Variants in PARD3 observed in about 807,000 individuals in gnomAD.
PARD3 encodes the protein partitioning defective 3 homolog.
Under a neutral mutation model 155.4 loss-of-function variants are expected in PARD3, and 75 were observed. The observed-to-expected ratio is 0.48, with a 90% CI of 0.40 to 0.58. The LOEUF is 0.58. Among genes scored for constraint, PARD3 ranks in the 20% least tolerant of loss-of-function variants. PARD3 has a pLI of 0.00. For missense variants in PARD3, 1,642 were observed against 1,721.7 expected (o/e 0.95, Z 0.82); for synonymous variants, 576 against 610.5 (o/e 0.94, Z 0.83).
intron 22 of PARD3, among the ~76,000 whole-genome samples, chr10:34,209,961 C>T (rs1951660184): frequency 6.6e-6 from 1 of 152,072 alleles, no homozygotes; most frequent in Non-Finnish European, 1.5e-5. Flanking sequence ...AAAAATCTTA[C>T]CTAGTGGAGA....
chr10:34,506,797 T>C (rs896362629), intron 3 of PARD3, among the ~76,000 whole-genome samples: 1 of 152,216 alleles, frequency 6.6e-6, no homozygotes, highest in Non-Finnish European at 1.5e-5. Context: ...TTAATGGCCA[T>C]TTAATTGGAA....
At chr10:34,721,832 GTA>G (rs2094611032) in intron 1 of PARD3, among the ~76,000 whole-genome samples, 1 of 152,176 alleles carries the variant, frequency 6.6e-6, no homozygotes. Context: ...AATTAAGCAT[GTA>G]CTAAATTATA....
At chr10:34,383,390 TACACACAC>T (rs3040371) in intron 8 of PARD3, among the ~76,000 whole-genome samples, 3 of 150,150 alleles carry the variant, frequency 2.0e-5, no homozygotes, top group Non-Finnish European at 1.5e-5. Context: ...ATTTTTAAAA[TACACACAC>T]ACACACACAC....
At chr10:34,615,175 G>A (rs1342026125) in intron 2 of PARD3, among the ~76,000 whole-genome samples, 2 of 152,116 alleles carry the variant, frequency 1.3e-5, no homozygotes, top group African/African-American at 4.8e-5. Context: ...GGGTGGCAGA[G>A]TGAGGCTCCG....
At chr10:34,809,886 A>G (rs1459995357) in intron 1 of PARD3, among the ~76,000 whole-genome samples, 1 of 152,204 alleles carries the variant, frequency 6.6e-6, no homozygotes, top group African/African-American at 2.4e-5. Context: ...ATTTTCTTTC[A>G]ATCTCTGCAA....
At chr10:34,710,790 T>C (rs965349220) in intron 1 of PARD3, among the ~76,000 whole-genome samples, 20 of 152,316 alleles carry the variant, frequency 1.3e-4, no homozygotes, top group Admixed American at 5.2e-4. Flanking sequence ...ACCCTTATGT[T>C]TTTGTTTATT....
At chr10:34,217,234 C>T (rs1435777162) in intron 22 of PARD3, among the ~76,000 whole-genome samples, 1 of 151,756 alleles carries the variant, frequency 6.6e-6, no homozygotes, top group Non-Finnish European at 1.5e-5. Context: ...CTTGTTCTTG[C>T]GCTGTCTCTG....
intron 20 of PARD3, among the ~76,000 whole-genome samples, chr10:34,287,835 C>T (rs1019014113): frequency 6.6e-6 from 1 of 152,136 alleles, no homozygotes; most frequent in Non-Finnish European, 1.5e-5. Flanking sequence ...TAATTAGTTT[C>T]CTAGACCACC....
intron 2 of PARD3, among the ~76,000 whole-genome samples, chr10:34,644,822 A>C (rs920246397): frequency 6.6e-6 from 1 of 152,160 alleles, no homozygotes; most frequent in Non-Finnish European, 1.5e-5. Context: ...GTTGTAAGGA[A>C]TCTAATTGCT....
chr10:34,484,779 G>C (rs11009803), intron 3 of PARD3, among the ~76,000 whole-genome samples: 4,676 of 152,252 alleles, frequency 0.031, 241 homozygotes, highest in African/African-American at 0.11. Context: ...CTTTAGCAAA[G>C]ACTTCAAGTG....
At chr10:34,491,722 T>C (rs2079921067) in intron 3 of PARD3, among the ~76,000 whole-genome samples, 1 of 152,214 alleles carries the variant, frequency 6.6e-6, no homozygotes. Context: ...CTTGGCTGCT[T>C]TTTAATTGAG....
intron 2 of PARD3, among the ~76,000 whole-genome samples, chr10:34,648,343 A>C (rs2092906756): frequency 6.6e-6 from 1 of 152,216 alleles, no homozygotes; most frequent in South Asian, 2.1e-4. Context: ...CAATGCCAAG[A>C]GCTGCCGTGA....
intron 22 of PARD3, among the ~76,000 whole-genome samples, chr10:34,211,397 C>G (rs1951740903): frequency 6.6e-6 from 1 of 152,090 alleles, no homozygotes; most frequent in Admixed American, 6.6e-5. Context: ...GATACACTTA[C>G]AAATGCTCAG....
intron 20 of PARD3, among the ~76,000 whole-genome samples, chr10:34,288,457 A>G (rs555992285): frequency 6.6e-6 from 1 of 152,296 alleles, no homozygotes; most frequent in African/African-American, 2.4e-5. Context: ...AGCCATTCTA[A>G]AATGTAAAAA....
intron 10 of PARD3, among the ~76,000 whole-genome samples, chr10:34,375,712 C>T (rs1298345826): frequency 1.3e-5 from 2 of 152,066 alleles, no homozygotes; most frequent in African/African-American, 4.8e-5. Context: ...CATATGTTTC[C>T]TTTAAAAGGT....
intron 2 of PARD3, among the ~76,000 whole-genome samples, chr10:34,538,095 G>T (rs561987194): frequency 6.6e-6 from 1 of 152,162 alleles, no homozygotes; most frequent in Admixed American, 6.5e-5. Flanking sequence ...TTGTTTAGCC[G>T]AGATCCGCCA....
chr10:34,516,017 C>A (rs573782568), intron 3 of PARD3, among the ~76,000 whole-genome samples: 4 of 151,620 alleles, frequency 2.6e-5, no homozygotes, highest in Admixed American at 1.3e-4. Flanking sequence ...AGTGCAGTGG[C>A]ACAATCTCGG....
At chr10:34,356,340 C>T (rs1838874043) in intron 14 of PARD3, among the ~76,000 whole-genome samples, 1 of 151,976 alleles carries the variant, frequency 6.6e-6, no homozygotes. Context: ...TGGAGAACAG[C>T]CTGGACAACA....
intron 2 of PARD3, among the ~76,000 whole-genome samples, chr10:34,577,600 T>TGTGATAGA (rs2087000677): frequency 6.6e-6 from 1 of 152,188 alleles, no homozygotes; most frequent in Non-Finnish European, 1.5e-5. Flanking sequence ...TTTCCTTCTG[T>TGTGATAGA]CTAAATCCAT....
Sources: allele counts gnomAD v4.1 joint callset (sites outside exome capture counted in the v4.1 genomes callset), GRCh38; gene constraint gnomAD v4.1.1; transcripts MANE v1.5; gene names NCBI Gene and HGNC (gene_info 2026-07-23, HGNC 2026-07-21).